The following TUBB6 variants were observed in gnomAD, a reference collection of about 807,000 sequenced individuals.
The protein encoded by TUBB6 is tubulin beta 6 class V.
TUBB6 carries 18 observed loss-of-function variants against 32.3 expected under a neutral mutation model. The observed-to-expected ratio is 0.56, with a 90% CI of 0.39 to 0.83. The LOEUF (loss-of-function observed/expected upper bound fraction) is 0.83, where lower values mean the gene tolerates loss of function less well. Among genes scored for constraint, TUBB6 ranks in the 40% least tolerant of loss-of-function variants. TUBB6 has a pLI of 0.00. For missense variants in TUBB6, 480 were observed against 632.0 expected, an observed-to-expected ratio of 0.76 and a Z score of 2.58; for synonymous variants, 280 against 265.8, an observed-to-expected ratio of 1.05 and a Z score of -0.52.
chr18:12,315,813 TTGAG>T (rs1275546859), intron 3 of TUBB6, among the ~76,000 whole-genome samples: 5 of 152,154 alleles, frequency 3.3e-5, no homozygotes, highest in Admixed American at 6.5e-5. Flanking sequence ...TTCTACATAG[TTGAG>T]TAAGTTCACA....
At position 12,308,794 on chromosome 18, in the gene TUBB6, G is replaced by A. The variant is rs11267036; in HGVS notation, c.165G>A (p.Ser55=). 3.3e-5 allele frequency: 52 copies of A among 1,593,894 alleles called. No homozygotes were observed. In the East Asian group the frequency reaches 1.2e-3, roughly 36 times the overall value. The stretch of plus-strand genomic sequence containing the variant: ...TCAACGTCTACTACAATGAGTCATC[G>A]TGTGAGTAGCAAGGCCGCCGCGCCC... ...ERINVYYNES[S]SQKYVPRAAL... The change falls in exon 2 of 4, where the codon TCG becomes TCA. Residue 55 remains serine (S), a splice_region_variant and synonymous_variant. Transcript: ENST00000317702.
At chr18:12,309,517 AC>A (rs2144125357) in intron 2 of TUBB6, among the ~76,000 whole-genome samples, 1 of 150,792 alleles carries the variant, frequency 6.6e-6, no homozygotes, top group South Asian at 2.1e-4. Flanking sequence ...AAAGACTTTA[AC>A]CTCCCTGGAA....
chr18:12,325,088 A>G lies in TUBB6; in HGVS notation c.299A>G (p.Asn100Ser). ...GCAGGCCAGACGGGTGCAGGGAACA[A>G]CTGGGCGAAAGGGCACTACACGGAG... Reference protein sequence around the residue: ...FIFGQTGAGNNWAKGHYTEGA... With the variant: ...FIFGQTGAGNSWAKGHYTEGA... Residue 100 changes from asparagine (N) to serine (S), a missense_variant, in exon 4 of 4, where the codon AAC (asparagine) becomes AGC (serine). Physicochemically the swap from Asn to Ser is conservative, Grantham distance 46. Coordinates refer to ENST00000317702, the MANE Select transcript of TUBB6 (RefSeq NM_032525.3). 1.9e-6 allele frequency: 3 copies of G among 1,578,188 alleles called. No homozygotes were observed. The highest frequency in any genetic ancestry group is 1.2e-5 in the South Asian group (1 of 84,658).
chr18:12,314,036 C>T (rs1394514569), intron 3 of TUBB6, among the ~76,000 whole-genome samples: 1 of 152,168 alleles, frequency 6.6e-6, no homozygotes, highest in Non-Finnish European at 1.5e-5. Flanking sequence ...CATTGAGTAA[C>T]TCACTTACTA....
chr18:12,326,934 A>G (rs143203256), downstream of TUBB6, among the ~76,000 whole-genome samples: 67 of 152,300 alleles, frequency 4.4e-4, no homozygotes, highest in African/African-American at 1.6e-3. Context: ...GGGTGCCAAC[A>G]GCCAGCCCTG....
At position 12,311,049 on chromosome 18, in the gene TUBB6, C is replaced by T. The variant is rs1387908129; in HGVS notation, c.273C>T (p.Ile91=). 1 of 1,611,108 alleles carries T rather than the reference C, an allele frequency of 6.2e-7. No individual in the cohort carries two copies. The highest frequency in any genetic ancestry group is 1.7e-5 in the Admixed American group (1 of 59,684). ...AGCTTTTCCGGCCTGACAACTTCAT[C>T]TTTGGTAGGTTCCATCTTTCTCACT... ...FGQLFRPDNF[I]FGQTGAGNNW... The change falls in exon 3 of 4, where the codon ATC becomes ATT. Residue 91 remains isoleucine (I), a synonymous_variant. Coordinates refer to ENST00000317702, the MANE Select transcript of TUBB6 (RefSeq NM_032525.3).
chr18:12,308,036 C>A, upstream of TUBB6: 1 of 153,028 alleles, frequency 6.5e-6, no homozygotes, highest in South Asian at 2.0e-4. Flanking sequence ...CCCGTCTCCT[C>A]CCCGCCAGCT....
At position 12,325,380 on chromosome 18, in the gene TUBB6, C is replaced by G; in HGVS notation, c.591C>G (p.Asp197Glu). The part of the protein sequence containing the change: ...LSVHQLVENT[D>E]ETYCIDNEAL... The stretch of plus-strand genomic sequence containing the variant: ...TGCACCAGCTGGTGGAGAATACAGA[C>G]GAGACCTACTGCATCGACAACGAGG... Residue 197 changes from aspartate to glutamate, a missense_variant, in exon 4 of 4, where the codon GAC becomes GAG. By Grantham distance (45) the Asp-to-Glu change is conservative (BLOSUM62 2). Transcript: ENST00000317702. 1 of 1,614,198 alleles carries G rather than the reference C, an allele frequency of 6.2e-7. No individual in the cohort carries two copies. The highest frequency in any genetic ancestry group is 8.5e-7 in the Non-Finnish European group (1 of 1,180,028).
rs1473615787 is a variant in TUBB6 at position 12,308,287 on chromosome 18, C to T, written c.-6C>T. 1.4e-6 allele frequency: 2 copies of T among 1,457,444 alleles called. No individual in the cohort carries two copies. The highest frequency in any genetic ancestry group is 1.8e-6 in the Non-Finnish European group (2 of 1,099,660). The allele number at this position is 1,457,444 out of a possible 1,614,324, so 90.3% of individuals were successfully genotyped here. A position where few individuals can be genotyped will look rare whatever the true frequency, so the allele number is the denominator to read the frequency against. ...AGCCAGTTCCTAGCGCAGAGCCGCG[C>T]CCGCCATGAGGGAGATCGTGCACAT... On this transcript the variant is annotated 5_prime_UTR_variant, in exon 1 of 4. Coordinates refer to ENST00000317702, the MANE Select transcript of TUBB6 (RefSeq NM_032525.3).
chr18:12,309,447 G>T (rs1014465708), intron 2 of TUBB6, among the ~76,000 whole-genome samples: 3 of 139,086 alleles, frequency 2.2e-5, no homozygotes, highest in Non-Finnish European at 4.5e-5. Context: ...GGGGATTCTT[G>T]GCTAAAAATT....
chr18:12,310,457 T>C (rs1174015352), intron 2 of TUBB6, among the ~76,000 whole-genome samples: 6 of 147,134 alleles, frequency 4.1e-5, no homozygotes, highest in African/African-American at 7.6e-5. Context: ...CACCACTGCA[T>C]TCCAGCCTGG....
intron 2 of TUBB6, 139 bp downstream of exon 2, chr18:12,308,934 C>T (rs1906186155): frequency 1.6e-6 from 1 of 640,524 alleles, no homozygotes; most frequent in East Asian, 2.8e-5. Flanking sequence ...CTTCGCTCCT[C>T]CGGGGCGGGA....
intron 3 of TUBB6, among the ~76,000 whole-genome samples, chr18:12,313,421 C>T (rs1392453933): frequency 1.3e-5 from 2 of 152,128 alleles, no homozygotes; most frequent in African/African-American, 2.4e-5. Context: ...AATAGTTTTG[C>T]GATCAGGTTA....
chr18:12,316,295 G>C (rs1017461743), intron 3 of TUBB6, among the ~76,000 whole-genome samples: 1 of 152,224 alleles, frequency 6.6e-6, no homozygotes, highest in Non-Finnish European at 1.5e-5. Context: ...TTGAACATTG[G>C]GAGAGTGTAA....
chr18:12,326,216 G>T lies in TUBB6; in HGVS notation c.*86G>T. 6.7e-7 allele frequency: 1 copy of T among 1,491,016 alleles called. No homozygotes were observed. Among genetic ancestry groups the T allele is most frequent in the South Asian group, 1.4e-5 (1 of 73,178 alleles). 92.4% of individuals were successfully genotyped at this position (1,491,016 alleles called of 1,614,324 possible). A position where few individuals can be genotyped will look rare whatever the true frequency, so the allele number is the denominator to read the frequency against. ...TGCCTCCTACCCTATGGCCCTGAAT[G>T]GTGCACTGGTTTAATTGTGTTGGTG... On this transcript the variant is annotated 3_prime_UTR_variant, in exon 4 of 4. Coordinates refer to ENST00000317702, the MANE Select transcript of TUBB6 (RefSeq NM_032525.3).
chr18:12,314,311 T>C (rs1248122781), intron 3 of TUBB6, among the ~76,000 whole-genome samples: 2 of 152,046 alleles, frequency 1.3e-5, no homozygotes, highest in Non-Finnish European at 2.9e-5. Flanking sequence ...CCCCCACTTG[T>C]TGTAGAATTC....
downstream of TUBB6, chr18:12,329,192 C>T (rs886053612): frequency 8.5e-6 from 6 of 702,788 alleles, no homozygotes; most frequent in African/African-American, 5.2e-5. Flanking sequence ...GAAGAGTGGG[C>T]GACAAAGAGA....
At chr18:12,308,849 G>C (rs1019657023) in intron 2 of TUBB6, 54 bp downstream of exon 2, 2 of 1,219,352 alleles carry the variant, frequency 1.6e-6, no homozygotes, top group Non-Finnish European at 2.4e-6. Context: ...TGGACGCTCC[G>C]GCGCCGCCTC....
downstream of TUBB6, chr18:12,329,624 A>C: frequency 1.2e-6 from 2 of 1,614,088 alleles, no homozygotes; most frequent in Non-Finnish European, 1.7e-6. Context: ...TCCTTGTTCC[A>C]GTCCTTAAGG....
Sources: allele counts gnomAD v4.1 joint callset (sites outside exome capture counted in the v4.1 genomes callset), GRCh38; gene constraint gnomAD v4.1.1; transcripts MANE v1.5; gene names NCBI Gene and HGNC (gene_info 2026-07-23, HGNC 2026-07-21).